Variants in CALM2 observed in about 807,000 individuals in gnomAD.
CALM2 encodes calmodulin 2.
A neutral mutation model predicts 19.8 loss-of-function variants in CALM2; 2 were observed. The ratio of observed to expected loss-of-function variants is 0.10; its 90% CI spans 0.04 to 0.32. The LOEUF is 0.32. Ranked by LOEUF, CALM2 falls within the 10% of genes least tolerant of loss-of-function variation. CALM2 has a pLI of 1.00. For synonymous variants in CALM2, 51 were observed against 52.1 expected (o/e 0.98, Z 0.09); for missense variants, 38 against 178.7 (o/e 0.21, Z 4.49).
At chr2:47,175,738 C>A (rs1666838208) in intron 1 of CALM2, among the ~76,000 whole-genome samples, 1 of 151,566 alleles carries the variant, frequency 6.6e-6, no homozygotes, top group Non-Finnish European at 1.5e-5. Flanking sequence ...TCTCCGCAGT[C>A]CTGCAGGTGC....
intron 2 of CALM2, among the ~76,000 whole-genome samples, chr2:47,168,760 C>G (rs1042784773): frequency 7.0e-6 from 1 of 142,386 alleles, no homozygotes; most frequent in African/African-American, 2.6e-5. Context: ...AAGAGGGATC[C>G]TCTTATATTC....
chr2:47,172,260 G>A (rs1191914032), intron 1 of CALM2: 1 of 320,846 alleles, frequency 3.1e-6, no homozygotes, highest in Non-Finnish European at 6.3e-6. Context: ...CTGAAAGGAA[G>A]GGCAACCTGG....
chr2:47,169,201 T>C (rs540625987), intron 2 of CALM2, among the ~76,000 whole-genome samples: 2 of 152,326 alleles, frequency 1.3e-5, no homozygotes, highest in South Asian at 4.1e-4. Flanking sequence ...TGTACCTGAC[T>C]GGGAATATTA....
rs758311953 is a variant in CALM2 at position 47,176,508 on chromosome 2, G to A, written c.-65C>T. On this transcript the variant is annotated 5_prime_UTR_variant, in exon 1 of 6. Coordinates refer to ENST00000272298, the MANE Select transcript of CALM2 (RefSeq NM_001743.6). ...CCACTCAGCTCGCTCTCTCCACTCG[G>A]ACTAATTCGCCTCCTCCGCCCCCAG... is the stretch of plus-strand genomic sequence containing the variant. 2.5e-6 allele frequency: 4 copies of A among 1,606,200 alleles called. No homozygotes were observed. Among genetic ancestry groups the A allele is most frequent in the East Asian group, 2.3e-5 (1 of 44,224 alleles).
intron 1 of CALM2, chr2:47,173,870 T>C (rs969656234): frequency 5.9e-5 from 9 of 152,204 alleles, no homozygotes; most frequent in African/African-American, 1.7e-4. Flanking sequence ...AGACACCTAA[T>C]TCTGAAGAAT....
Position 47,160,812 on chromosome 2 carries a change from A to G in CALM2, c.422-8T>C. ...TCATCATTTGTACAAACTCTGAAAAAGAAGAAGTACACAAAAAATGAGTCA... is the reference window on the plus strand; with the variant it reads ...TCATCATTTGTACAAACTCTGAAAAGGAAGAAGTACACAAAAAATGAGTCA... On this transcript the variant is annotated splice_polypyrimidine_tract_variant and splice_region_variant and intron_variant, in intron 5 of 5. Coordinates refer to ENST00000272298, the MANE Select transcript of CALM2 (RefSeq NM_001743.6). 1 of 1,491,900 alleles carries G rather than the reference A, an allele frequency of 6.7e-7. No homozygotes were observed. The highest frequency in any genetic ancestry group is 9.1e-7 in the Non-Finnish European group (1 of 1,102,380). 92.4% of individuals were successfully genotyped at this position (1,491,900 alleles called of 1,614,324 possible).
chr2:47,162,204 C>CAAAAAAAAAAAAAAA, intron 4 of CALM2, 82 bp downstream of exon 4: 1 of 248,318 alleles, frequency 4.0e-6, no homozygotes, highest in Non-Finnish European at 6.6e-6. Flanking sequence ...AAAAAAACAA[C>CAAAAAAAAAAAAAAA]CAAAAAAACA....
intron 2 of CALM2, chr2:47,167,423 G>A (rs1466769796): frequency 6.5e-6 from 1 of 152,760 alleles, no homozygotes; most frequent in African/African-American, 2.4e-5. Flanking sequence ...GCCGGGAGCA[G>A]TGGCTCATGC....
chr2:47,166,218 T>C (rs984326523), intron 2 of CALM2, among the ~76,000 whole-genome samples: 4 of 152,186 alleles, frequency 2.6e-5, no homozygotes, highest in African/African-American at 9.7e-5. Context: ...TATCTAGAAA[T>C]ACATATATTG....
chr2:47,168,819 C>T (rs564736540), intron 2 of CALM2, among the ~76,000 whole-genome samples: 1 of 152,044 alleles, frequency 6.6e-6, no homozygotes, highest in African/African-American at 2.4e-5. Flanking sequence ...GCTCTGTTGC[C>T]CAGGCTGGAG....
chr2:47,162,939 C>A (rs1276863354), intron 2 of CALM2: 4 of 268,514 alleles, frequency 1.5e-5, no homozygotes, highest in Non-Finnish European at 2.8e-5. Flanking sequence ...TCAAATATAT[C>A]TTTGACCAAT....
At chr2:47,170,792 G>C (rs762016901) in intron 1 of CALM2, 28 bp from the exon 2 acceptor site, 3 of 1,603,228 alleles carry the variant, frequency 1.9e-6, no homozygotes, top group Admixed American at 3.3e-5. Flanking sequence ...AGGAAGGTTA[G>C]TGACTTGAGA....
At position 47,176,296 on chromosome 2, in the gene CALM2, G is replaced by A. The variant is rs143230858; in HGVS notation, c.3+145C>T. 1.5e-3 allele frequency: 1,380 copies of A among 950,136 alleles called. 15 individuals are homozygous for A. In the African/African-American group the frequency reaches 0.018, roughly 12 times the overall value. The allele number at this position is 950,136 out of a possible 1,614,324, so 58.9% of individuals were successfully genotyped here. A position where few individuals can be genotyped will look rare whatever the true frequency, so the allele number is the denominator to read the frequency against. On this transcript the variant is annotated intron_variant, in intron 1 of 5. Transcript: ENST00000272298. ...GAGCACCTGCGACACAACCGTCGCCGGCATCCCTGGCCTCTTTCGCGCCAT... is the reference window on the plus strand; with the variant it reads ...GAGCACCTGCGACACAACCGTCGCCAGCATCCCTGGCCTCTTTCGCGCCAT...
In CALM2 at chr2:47,172,611, T is replaced by C. The variant is rs561130901; in HGVS notation, c.4-1847A>G. 3 of 408,968 alleles carry C rather than the reference T, an allele frequency of 7.3e-6. No homozygotes were observed. In the East Asian group the frequency reaches 2.9e-4, roughly 39 times the overall value. 25.3% of individuals were successfully genotyped at this position (408,968 alleles called of 1,614,324 possible). ...ATGGTAAGCTTACTCTATTCAATGTTAACTTTGTTTAAGCTGAGAAAATTT... is the reference window on the plus strand; with the variant it reads ...ATGGTAAGCTTACTCTATTCAATGTCAACTTTGTTTAAGCTGAGAAAATTT... On this transcript the variant is annotated intron_variant, in intron 1 of 5. Coordinates refer to ENST00000272298, the MANE Select transcript of CALM2 (RefSeq NM_001743.6).
intron 1 of CALM2, among the ~76,000 whole-genome samples, chr2:47,174,539 GA>G (rs1266173506): frequency 1.3e-5 from 2 of 151,858 alleles, no homozygotes; most frequent in African/African-American, 2.4e-5. Flanking sequence ...TTTTTATTAA[GA>G]TTTTTTTTTT....
At chr2:47,161,949 T>C in intron 4 of CALM2, 91 bp from the exon 5 acceptor site, 1 of 1,071,272 alleles carries the variant, frequency 9.3e-7, no homozygotes, top group Non-Finnish European at 1.4e-6. Context: ...AATTTCACAT[T>C]GGGGGAAAAA....
At chr2:47,173,628 T>A (rs768340341) in intron 1 of CALM2, 2 of 152,234 alleles carry the variant, frequency 1.3e-5, no homozygotes, top group African/African-American at 2.4e-5. Context: ...TGAATACTGT[T>A]GGAGTTTATC....
chr2:47,163,168 T>C (rs1179108942), intron 2 of CALM2: 1 of 153,592 alleles, frequency 6.5e-6, no homozygotes, highest in Non-Finnish European at 1.5e-5. Flanking sequence ...CTGTATACTG[T>C]GTTTAGAGTT....
intron 2 of CALM2, among the ~76,000 whole-genome samples, chr2:47,164,465 C>G (rs60937853): frequency 2.5e-3 from 374 of 151,690 alleles, no homozygotes; most frequent in African/African-American, 6.8e-3. Context: ...GGTGTGGCGG[C>G]GTGCGCCTGT....
Sources: gnomAD v4.1 joint callset for allele counts (sites outside exome capture counted in the v4.1 genomes callset) on GRCh38, gnomAD v4.1.1 for gene constraint, MANE v1.5 for transcripts, NCBI Gene and HGNC (gene_info 2026-07-23, HGNC 2026-07-21) for gene names.